CTNS: variants seen among roughly 807,000 people sequenced by gnomAD.
CTNS encodes cystinosin, lysosomal cystine transporter.
In CTNS, 27 loss-of-function variants were observed where a neutral mutation model predicts 43.7. The observed-to-expected ratio is 0.62, with a 90% CI of 0.46 to 0.85. The LOEUF is 0.85. Ranked by LOEUF, CTNS falls within the 40% of genes least tolerant of loss-of-function variation. The pLI is 0.00. For synonymous variants in CTNS, 187 were observed against 190.6 expected, an observed-to-expected ratio of 0.98 and a Z score of 0.16; for missense variants, 457 against 475.4, an observed-to-expected ratio of 0.96 and a Z score of 0.36.
Position 3,647,541 on chromosome 17 carries a change from C to T in CTNS, c.140+19C>T, listed in dbSNP as rs544098445. 1.9e-5 allele frequency: 31 copies of T among 1,611,314 alleles called. No individual in the cohort carries two copies. The Admixed American group carries it at 2.2e-4, about 11-fold the overall frequency. ...CCCTGCGGTAAGTTCCTGGGCCTGG[C>T]GCTGTGCTCAGCTCCGCTCAGGCCC... On this transcript the variant is annotated intron_variant, in intron 4 of 11. Coordinates refer to ENST00000046640, the MANE Select transcript of CTNS (RefSeq NM_004937.3).
At position 3,658,923 on chromosome 17, in the gene CTNS, T is replaced by C. The variant is rs369643613; in HGVS notation, c.852+748T>C. On this transcript the variant is annotated intron_variant, in intron 10 of 11. Transcript: ENST00000046640. ...TGAGGGGATGTGGCTGGTTGAACAG[T>C]GTTGAGCATGTTGAAGCTGGGAAGC... is the stretch of plus-strand genomic sequence containing the variant. Among the ~76,000 whole-genome samples, 14 of 151,014 alleles carry C rather than the reference T, an allele frequency of 9.3e-5. 1 individual carries two copies. The East Asian group carries it at 1.8e-3, about 19-fold the overall frequency.
Position 3,659,928 on chromosome 17 carries a change from G to C in CTNS, c.923G>C (p.Gly308Ala), listed in dbSNP as rs908965524. 6.2e-7 allele frequency: 1 copy of C among 1,613,952 alleles called. No homozygotes were observed. Among genetic ancestry groups the C allele is most frequent in the Admixed American group, 1.7e-5 (1 of 60,024 alleles). The change falls in exon 11 of 12, where the codon GGG becomes GCG. Residue 308 changes from glycine to alanine, a missense_variant. Transcript: ENST00000046640. ...GGCAACGTGCTCCTGGACTTCACCG[G>C]GGGCAGCTTCAGCCTCCTGCAGATG... ...SIGNVLLDFT[G>A]GSFSLLQMFL...
intron 3 of CTNS, among the ~76,000 whole-genome samples, chr17:3,641,097 G>C (rs533633549): frequency 6.6e-6 from 1 of 151,884 alleles, no homozygotes; most frequent in Admixed American, 6.6e-5. Context: ...CCTTAGAGAG[G>C]GGCTGAGGAA....
intron 2 of CTNS, among the ~76,000 whole-genome samples, chr17:3,639,391 G>T (rs1396866715): frequency 6.6e-6 from 1 of 152,078 alleles, no homozygotes; most frequent in Non-Finnish European, 1.5e-5. Flanking sequence ...AGTCTTGACA[G>T]GCGCGGTGGC....
intron 3 of CTNS, 135 bp from the exon 4 acceptor site, chr17:3,647,309 C>T (rs2075865733): frequency 3.9e-6 from 3 of 761,960 alleles, no homozygotes; most frequent in South Asian, 2.9e-5. Flanking sequence ...CCTGTGTTTG[C>T]AGTCCCATCA....
chr17:3,647,611 T>C (rs2075875674), intron 4 of CTNS, 89 bp downstream of exon 4: 2 of 1,129,254 alleles, frequency 1.8e-6, no homozygotes, highest in Non-Finnish European at 2.7e-6. Flanking sequence ...TGTTCAGATT[T>C]CAGATGCGCT....
rs2076274181 is a variant in CTNS, at chr17:3,661,392, C to G, written c.*1023C>G. ...TGATCTCAAACCTCCTTCCCTCTGC[C>G]CAAAGCTGTCCTTCCTATGGCAGGA... On this transcript the variant is annotated 3_prime_UTR_variant, in exon 12 of 12. Transcript: ENST00000046640. 7.0e-6 allele frequency: 1 copy of G among 142,024 alleles called. No individual in the cohort carries two copies. Among genetic ancestry groups the G allele is most frequent in the Non-Finnish European group, 1.6e-5 (1 of 64,056 alleles). 8.8% of individuals were successfully genotyped at this position (142,024 alleles called of 1,614,324 possible).
At chr17:3,646,867 C>T (rs1464899496) in intron 3 of CTNS, among the ~76,000 whole-genome samples, 1 of 152,190 alleles carries the variant, frequency 6.6e-6, no homozygotes, top group Non-Finnish European at 1.5e-5. Context: ...AACTATTCAC[C>T]CTTCCTCCTC....
At chr17:3,660,171 A>G (rs2076252672) in intron 11 of CTNS, 65 bp from the exon 12 acceptor site, 2 of 1,610,264 alleles carry the variant, frequency 1.2e-6, no homozygotes, top group South Asian at 1.1e-5. Context: ...CCACCACCCC[A>G]CAAGCTCCAG....
At chr17:3,642,946 C>A (rs771801856) in intron 3 of CTNS, among the ~76,000 whole-genome samples, 1 of 152,136 alleles carries the variant, frequency 6.6e-6, no homozygotes, top group Non-Finnish European at 1.5e-5. Flanking sequence ...TTGCCCTCAC[C>A]ATTTTCAAGC....
intron 10 of CTNS, among the ~76,000 whole-genome samples, 179 bp downstream of exon 10, chr17:3,658,354 CG>C (rs566519869): frequency 1.3e-3 from 197 of 152,302 alleles, no homozygotes; most frequent in African/African-American, 4.6e-3. Flanking sequence ...GCTCTTCCCC[CG>C]GGGCTGGAAT....
chr17:3,657,313 C>T (rs989403526), intron 9 of CTNS, among the ~76,000 whole-genome samples: 1 of 152,260 alleles, frequency 6.6e-6, no homozygotes, highest in African/African-American at 2.4e-5. Context: ...CGCGTGCAGG[C>T]GGAGACACCT....
chr17:3,640,737 A>T (rs1413707705), intron 3 of CTNS, among the ~76,000 whole-genome samples: 5 of 152,158 alleles, frequency 3.3e-5, no homozygotes, highest in Non-Finnish European at 7.3e-5. Context: ...ATGTCTACTA[A>T]AAAATAATTT....
intron 2 of CTNS, among the ~76,000 whole-genome samples, 173 bp downstream of exon 2, chr17:3,637,489 A>T (rs1312851290): frequency 4.2e-5 from 6 of 143,752 alleles, no homozygotes; most frequent in African/African-American, 1.3e-4. Context: ...TTTGAGATGG[A>T]GTCTGCAGCC....
At chr17:3,640,864 A>T (rs1382411581) in intron 3 of CTNS, among the ~76,000 whole-genome samples, 3 of 152,210 alleles carry the variant, frequency 2.0e-5, no homozygotes, top group Non-Finnish European at 4.4e-5. Flanking sequence ...TGATCACACT[A>T]CTGCACTCCG....
chr17:3,657,637 G>A (rs1292720147), intron 9 of CTNS: 1 of 351,274 alleles, frequency 2.8e-6, no homozygotes, highest in African/African-American at 2.1e-5. Flanking sequence ...CTGGCTGGGA[G>A]AGGCACCAGG....
At position 3,656,747 on chromosome 17, in the gene CTNS, C is replaced by G. The variant is rs150428029; in HGVS notation, c.633C>G (p.His211Gln). 1 of 1,613,540 alleles carries G rather than the reference C, an allele frequency of 6.2e-7. No individual in the cohort carries two copies. The highest frequency in any genetic ancestry group is 8.5e-7 in the Non-Finnish European group (1 of 1,180,000). ...VNSNDVFFSLHAVVLTLIIIV... is the reference protein window; with the variant it reads ...VNSNDVFFSLQAVVLTLIIIV... ...GCAACGACGTCTTCTTCAGCCTGCACGCGGTTGTCCTCACGCTGATCATCA... is the reference window on the plus strand; with the variant it reads ...GCAACGACGTCTTCTTCAGCCTGCAGGCGGTTGTCCTCACGCTGATCATCA... Residue 211 changes from histidine (H) to glutamine (Q), a missense_variant, in exon 9 of 12, where the codon CAC becomes CAG. His to Gln is a conservative substitution (Grantham distance 24). Coordinates refer to ENST00000046640, the MANE Select transcript of CTNS (RefSeq NM_004937.3).
At position 3,643,970 on chromosome 17, in the gene CTNS, G is replaced by C. The variant is rs2075784131; in HGVS notation, c.62-3474G>C. Among the ~76,000 whole-genome samples, 3 of 152,234 alleles carry C rather than the reference G, an allele frequency of 2.0e-5. No individual in the cohort carries two copies. In the South Asian group the frequency reaches 6.2e-4, roughly 32 times the overall value. The stretch of plus-strand genomic sequence containing the variant: ...GGGAGGATGGCTTGAGCCTGGCGGG[G>C]TCAAAGCTGCAGTGAGCCATGATCA... On this transcript the variant is annotated intron_variant, in intron 3 of 11. Transcript: ENST00000046640.
chr17:3,659,789 C>A, intron 10 of CTNS, 69 bp from the exon 11 acceptor site: 1 of 1,121,080 alleles, frequency 8.9e-7, no homozygotes, highest in Non-Finnish European at 1.4e-6. Context: ...GAGGGGCAGT[C>A]ACGAGGCGCA....
Sources: gnomAD v4.1 joint callset for allele counts (sites outside exome capture counted in the v4.1 genomes callset) on GRCh38, gnomAD v4.1.1 for gene constraint, MANE v1.5 for transcripts, NCBI Gene and HGNC (gene_info 2026-07-23, HGNC 2026-07-21) for gene names.